HS3ST4: variants seen among roughly 807,000 people sequenced by gnomAD.
HS3ST4 encodes the protein heparan sulfate-glucosamine 3-sulfotransferase 4.
Under a neutral mutation model 29.2 loss-of-function variants are expected in HS3ST4, and 17 were observed. The observed-to-expected ratio is 0.58, with a 90% confidence interval of 0.40 to 0.87. The LOEUF is 0.87. Ranked by LOEUF, HS3ST4 falls within the 40% of genes least tolerant of loss-of-function variation. HS3ST4 has a pLI of 0.00. For missense variants in HS3ST4, 627 were observed against 634.5 expected (o/e 0.99, Z 0.13); for synonymous variants, 314 against 285.7 (o/e 1.10, Z -1.00).
At chr16:26,031,474 TGG>T (rs1456757147) in intron 1 of HS3ST4, among the ~76,000 whole-genome samples, 1 of 152,048 alleles carries the variant, frequency 6.6e-6, no homozygotes, top group Non-Finnish European at 1.5e-5. Flanking sequence ...GGGAGGGAGC[TGG>T]GAAAAGCTGG....
At chr16:25,859,061 T>C (rs1967611533) in intron 1 of HS3ST4, among the ~76,000 whole-genome samples, 1 of 152,222 alleles carries the variant, frequency 6.6e-6, no homozygotes, top group African/African-American at 2.4e-5. Context: ...TGGGTTTTTA[T>C]GAATTTATTA....
chr16:26,111,949 G>A (rs551547094), intron 1 of HS3ST4, among the ~76,000 whole-genome samples: 7 of 151,486 alleles, frequency 4.6e-5, no homozygotes, highest in South Asian at 2.1e-4. Flanking sequence ...CCCGGGAGGC[G>A]GAGGTTGCAG....
chr16:25,943,430 A>T (rs555939627), intron 1 of HS3ST4, among the ~76,000 whole-genome samples: 1 of 152,290 alleles, frequency 6.6e-6, no homozygotes, highest in Middle Eastern at 3.4e-3. Flanking sequence ...ATGAGAAAAG[A>T]CTCAAAAGGA....
At chr16:25,818,167 T>C (rs928754903) in intron 1 of HS3ST4, among the ~76,000 whole-genome samples, 2 of 152,208 alleles carry the variant, frequency 1.3e-5, no homozygotes, top group African/African-American at 4.8e-5. Flanking sequence ...GCTAAAAGTT[T>C]GTGTATCCCC....
At chr16:25,945,202 G>A (rs576774312) in intron 1 of HS3ST4, among the ~76,000 whole-genome samples, 2 of 152,192 alleles carry the variant, frequency 1.3e-5, no homozygotes, top group South Asian at 4.1e-4. Context: ...TATTATTATT[G>A]TGCATATTGT....
chr16:26,115,213 A>G (rs1391190851), intron 1 of HS3ST4, among the ~76,000 whole-genome samples: 1 of 151,820 alleles, frequency 6.6e-6, no homozygotes. Flanking sequence ...TTCTATGAAT[A>G]TATATATTCA....
chr16:26,058,116 A>G (rs190163066), intron 1 of HS3ST4, among the ~76,000 whole-genome samples: 1 of 152,308 alleles, frequency 6.6e-6, no homozygotes, highest in Non-Finnish European at 1.5e-5. Flanking sequence ...GCCCCATTAA[A>G]GCTTTGCATT....
At chr16:25,928,464 C>T (rs1418469961) in intron 1 of HS3ST4, among the ~76,000 whole-genome samples, 1 of 152,164 alleles carries the variant, frequency 6.6e-6, no homozygotes, top group African/African-American at 2.4e-5. Context: ...CAAAAGTACC[C>T]TTAATTATAA....
intron 1 of HS3ST4, among the ~76,000 whole-genome samples, chr16:25,926,302 G>A (rs757118722): frequency 6.6e-6 from 1 of 152,026 alleles, no homozygotes; most frequent in Non-Finnish European, 1.5e-5. Context: ...GACTCCCCCT[G>A]GCAGTAATTC....
At chr16:25,723,879 C>T (rs528281297) in intron 1 of HS3ST4, among the ~76,000 whole-genome samples, 8 of 152,214 alleles carry the variant, frequency 5.3e-5, no homozygotes, top group Non-Finnish European at 7.4e-5. Flanking sequence ...TTTGGGAGGC[C>T]GAGGAGGGTG....
chr16:25,835,149 G>A (rs1412255957), intron 1 of HS3ST4, among the ~76,000 whole-genome samples: 1 of 152,194 alleles, frequency 6.6e-6, no homozygotes, highest in Non-Finnish European at 1.5e-5. Flanking sequence ...CCTATTTAAT[G>A]TCTAAAATGT....
At chr16:26,013,138 T>C (rs926116284) in intron 1 of HS3ST4, among the ~76,000 whole-genome samples, 1 of 152,074 alleles carries the variant, frequency 6.6e-6, no homozygotes, top group Non-Finnish European at 1.5e-5. Context: ...TACTCTAGCC[T>C]GGTGACAGAG....
rs755774038 is a variant in HS3ST4 at position 26,136,095 on chromosome 16, G to A, written c.1218G>A (p.Pro406=). ...AGAAGCCAGAAGACAGCAGTGCCCC[G>A]AGGTGCTTAGGCAAGAGCAAAGGTC... ...CLKKPEDSSA[P]RCLGKSKGRT... is the part of the protein sequence containing the mutation. Residue 406 remains proline (P), a synonymous_variant, in exon 2 of 2, where the codon CCG becomes CCA. Coordinates refer to ENST00000331351, the MANE Select transcript of HS3ST4 (RefSeq NM_006040.3). 9 of 1,613,550 alleles carry A rather than the reference G, an allele frequency of 5.6e-6. No homozygotes were observed. The highest frequency in any genetic ancestry group is 7.6e-6 in the Non-Finnish European group (9 of 1,179,760).
intron 1 of HS3ST4, among the ~76,000 whole-genome samples, chr16:26,064,049 T>C (rs1898513124): frequency 6.6e-6 from 1 of 152,070 alleles, no homozygotes; most frequent in East Asian, 1.9e-4. Context: ...CTAAAATATA[T>C]AAGAAGCTAG....
intron 1 of HS3ST4, among the ~76,000 whole-genome samples, chr16:26,038,772 C>T (rs1169326645): frequency 6.6e-6 from 1 of 152,212 alleles, no homozygotes; most frequent in East Asian, 1.9e-4. Flanking sequence ...CAAGCTCCGC[C>T]TCCCGGGTTC....
At position 25,728,832 on chromosome 16, in the gene HS3ST4, C is replaced by T. The variant is rs146115096; in HGVS notation, c.734+35681C>T. Among the ~76,000 whole-genome samples, 379 of 152,198 alleles carry T rather than the reference C, an allele frequency of 2.5e-3. 9 individuals are homozygous for T. The highest frequency in any genetic ancestry group is 0.024 in the Admixed American group (360 of 15,282). ...ACACAGTGGTTCATGGCTATAATCC[C>T]GACACTTTGGGAGGCCAAGGCAGAA... On this transcript the variant is annotated intron_variant, in intron 1 of 1. Transcript: ENST00000331351.
At chr16:26,062,512 C>G (rs147077932) in intron 1 of HS3ST4, among the ~76,000 whole-genome samples, 1 of 152,132 alleles carries the variant, frequency 6.6e-6, no homozygotes, top group African/African-American at 2.4e-5. Flanking sequence ...AGGGATGAGA[C>G]AGTTGTACCT....
intron 1 of HS3ST4, among the ~76,000 whole-genome samples, chr16:26,113,378 A>G (rs1266984791): frequency 2.0e-5 from 3 of 150,770 alleles, no homozygotes; most frequent in African/African-American, 7.3e-5. Context: ...ACCGGGGGGT[A>G]GAGGTTGCAG....
chr16:25,828,307 T>C (rs866232322), intron 1 of HS3ST4, among the ~76,000 whole-genome samples: 921 of 84,140 alleles, frequency 0.011, 6 homozygotes, highest in Admixed American at 0.021. Flanking sequence ...TTTCCCTCTC[T>C]CTCTCTCTCT....
Sources: gnomAD v4.1 joint callset for allele counts (sites outside exome capture counted in the v4.1 genomes callset) on GRCh38, gnomAD v4.1.1 for gene constraint, MANE v1.5 for transcripts, NCBI Gene and HGNC (gene_info 2026-07-23, HGNC 2026-07-21) for gene names.